Variants in CHIC2 observed in about 807,000 individuals in gnomAD.
CHIC2 encodes cysteine rich hydrophobic domain 2.
CHIC2 carries 14 observed loss-of-function variants against 25.9 expected under a neutral mutation model. The ratio of observed to expected loss-of-function variants is 0.54; its 90% confidence interval spans 0.36 to 0.85. The LOEUF is 0.85. CHIC2 is among the 40% of genes least tolerant of loss of function. CHIC2 has a pLI of 0.01. For synonymous variants in CHIC2, 70 were observed against 72.0 expected (o/e 0.97, Z 0.14); for missense variants, 146 against 202.0 (o/e 0.72, Z 1.68).
At chr4:54,075,848 T>C in the CHIC2 span, among the ~76,000 whole-genome samples, 4 of 152,260 alleles carry the variant, frequency 2.6e-5, no homozygotes, top group South Asian at 6.2e-4. Context: ...GTGCCGGCCA[T>C]ATTTATATCA....
At position 54,014,109 on chromosome 4, in the gene CHIC2, G is replaced by C; in HGVS notation, c.341C>G (p.Ser114Trp). The C allele has an allele frequency of 6.2e-7, 1 of 1,613,108 alleles. No homozygotes were observed. The highest frequency in any genetic ancestry group is 8.5e-7 in the Non-Finnish European group (1 of 1,179,456). Residue 114 changes from serine to tryptophan, a missense_variant, in exon 4 of 6, where the codon TCG becomes TGG. Physicochemically the swap from Ser to Trp is radical, Grantham distance 177 (BLOSUM62 -3). Coordinates refer to ENST00000263921, the MANE Select transcript of CHIC2 (RefSeq NM_012110.4). ...VICLSKRTRR[S>W]IEKLLEWENN... is the part of the protein sequence containing the mutation. ...TTCCCATTCTAATAACTTCTCAATC[G>C]ATCTTCGTGTCTGGAAGACAAATGA...
chr4:54,049,671 T>C (rs1396814072), intron 1 of CHIC2, among the ~76,000 whole-genome samples: 2 of 152,246 alleles, frequency 1.3e-5, no homozygotes, highest in African/African-American at 4.8e-5. Context: ...TTTAATGTTA[T>C]TGGTGGAAAC....
chr4:54,030,526 A>G (rs1716193301), intron 3 of CHIC2, among the ~76,000 whole-genome samples: 1 of 67,738 alleles, frequency 1.5e-5, no homozygotes, highest in African/African-American at 5.4e-5. Flanking sequence ...CTCAAAAGAA[A>G]AAAAAAAAAA....
At chr4:54,087,673 T>C in the CHIC2 span, 1 of 548,256 alleles carries the variant, frequency 1.8e-6, no homozygotes, top group African/African-American at 2.0e-5. Flanking sequence ...CCTTGCGTTA[T>C]TGTTGGGCCA....
chr4:54,041,450 CACT>C (rs1211113865), intron 3 of CHIC2, among the ~76,000 whole-genome samples: 1 of 152,016 alleles, frequency 6.6e-6, no homozygotes, highest in African/African-American at 2.4e-5. Context: ...TCTTTTTAAC[CACT>C]AACTGAAATG....
At chr4:54,084,905 A>G in the CHIC2 span, among the ~76,000 whole-genome samples, 1 of 149,074 alleles carries the variant, frequency 6.7e-6, no homozygotes, top group Non-Finnish European at 1.5e-5. Flanking sequence ...GGTTGCAATG[A>G]GCCAAGGTTT....
chr4:54,019,027 T>A (rs1455280888), intron 3 of CHIC2, among the ~76,000 whole-genome samples: 1 of 151,860 alleles, frequency 6.6e-6, no homozygotes, highest in Non-Finnish European at 1.5e-5. Context: ...TTGAATTTGT[T>A]AAGTAAAACA....
intron 3 of CHIC2, among the ~76,000 whole-genome samples, chr4:54,031,768 T>C (rs958308684): frequency 6.6e-6 from 1 of 151,970 alleles, no homozygotes; most frequent in African/African-American, 2.4e-5. Flanking sequence ...TACAGGCACG[T>C]GTCACCACGC....
intron 3 of CHIC2, among the ~76,000 whole-genome samples, chr4:54,027,049 T>C (rs1716083055): frequency 6.6e-6 from 1 of 152,088 alleles, no homozygotes; most frequent in East Asian, 1.9e-4. Context: ...TCTAAAACTA[T>C]GATTAATGTG....
intron 3 of CHIC2, among the ~76,000 whole-genome samples, chr4:54,047,353 T>C (rs1716863283): frequency 2.0e-5 from 3 of 152,112 alleles, no homozygotes; most frequent in Non-Finnish European, 1.5e-5. Context: ...TGCACACGTA[T>C]GGTTATTGCA....
chr4:54,069,824 T>G, the CHIC2 span, among the ~76,000 whole-genome samples: 4 of 152,238 alleles, frequency 2.6e-5, no homozygotes, highest in East Asian at 7.7e-4. Context: ...CATTCATTCA[T>G]TCAACAAATT....
the CHIC2 span, among the ~76,000 whole-genome samples, chr4:54,071,775 C>T: frequency 6.6e-6 from 1 of 151,674 alleles, no homozygotes; most frequent in Admixed American, 6.6e-5. Flanking sequence ...GAGTTCGAGA[C>T]CAGCCTGGCC....
chr4:54,076,321 T>A, the CHIC2 span, among the ~76,000 whole-genome samples: 2 of 152,130 alleles, frequency 1.3e-5, no homozygotes, highest in South Asian at 4.2e-4. Flanking sequence ...AATTAATTTT[T>A]AAAAATGACT....
At chr4:54,057,386 A>G (rs1404238596) in intron 1 of CHIC2, among the ~76,000 whole-genome samples, 2 of 152,130 alleles carry the variant, frequency 1.3e-5, no homozygotes, top group Admixed American at 6.6e-5. Flanking sequence ...TTCTAGCCAT[A>G]ATATAGAGGT....
At chr4:54,091,459 C>T in the CHIC2 span, among the ~76,000 whole-genome samples, 1 of 152,268 alleles carries the variant, frequency 6.6e-6, no homozygotes, top group Admixed American at 6.5e-5. Flanking sequence ...CTGTGCACAT[C>T]CCCAGTTTCT....
chr4:54,072,791 G>A, the CHIC2 span, among the ~76,000 whole-genome samples: 14 of 152,166 alleles, frequency 9.2e-5, no homozygotes, highest in African/African-American at 2.9e-4. Context: ...AGATGTGCGC[G>A]TCTGGGCGTG....
chr4:54,010,607 T>C (rs1331486629), intron 5 of CHIC2, among the ~76,000 whole-genome samples: 2 of 152,132 alleles, frequency 1.3e-5, no homozygotes, highest in Non-Finnish European at 2.9e-5. Context: ...ATTTCACAGA[T>C]GAGGAAACTG....
rs191120765 is a variant in CHIC2 at position 54,018,575 on chromosome 4, G to T, written c.331-4456C>A. Among the ~76,000 whole-genome samples, 66 of 151,980 alleles carry T rather than the reference G, an allele frequency of 4.3e-4. No individual in the cohort carries two copies. The South Asian group carries it at 7.1e-3, about 16-fold the overall frequency. On this transcript the variant is annotated intron_variant, in intron 3 of 5. Transcript: ENST00000263921. ...GAAAACATGGTTTTACAAAGAAGTG[G>T]TTTTCTAGACATTACTAATAAAACC...
the CHIC2 span, among the ~76,000 whole-genome samples, chr4:54,091,683 T>C: frequency 2.0e-3 from 306 of 152,282 alleles, 3 homozygotes; most frequent in African/African-American, 6.9e-3. Flanking sequence ...CAAAAAACTA[T>C]TGAAATAATT....
Sources: allele counts gnomAD v4.1 joint callset (sites outside exome capture counted in the v4.1 genomes callset), GRCh38; gene constraint gnomAD v4.1.1; transcripts MANE v1.5; gene names NCBI Gene and HGNC (gene_info 2026-07-23, HGNC 2026-07-21).